MAD1L1: variants seen among roughly 807,000 people sequenced by gnomAD.
MAD1L1 encodes mitotic spindle assembly checkpoint protein MAD1.
In MAD1L1, 95 loss-of-function variants were observed where a neutral mutation model predicts 96.9. The ratio of observed to expected loss-of-function variants is 0.98; its 90% CI spans 0.83 to 1.16. The LOEUF (loss-of-function observed/expected upper bound fraction) is 1.16. Ranked by LOEUF, MAD1L1 falls within the 50% of genes most tolerant of loss-of-function variation. The probability of loss-of-function intolerance (pLI) is 0.00; values close to 1 mark genes in which losing one functional copy is unlikely to be tolerated. For missense variants in MAD1L1, 1,007 were observed against 954.4 expected, an observed-to-expected ratio of 1.06 and a Z score of -0.73; for synonymous variants, 473 against 396.6, an observed-to-expected ratio of 1.19 and a Z score of -2.29.
intron 6 of MAD1L1, among the ~76,000 whole-genome samples, 188 bp from the exon 7 acceptor site, chr7:2,218,231 T>C (rs991316509): frequency 1.3e-5 from 2 of 151,752 alleles, no homozygotes; most frequent in East Asian, 1.9e-4. Flanking sequence ...TACCCCAAGG[T>C]CCCAGGCCCC....
chr7:2,042,050 C>A (rs1443225936), intron 12 of MAD1L1, among the ~76,000 whole-genome samples: 1 of 152,096 alleles, frequency 6.6e-6, no homozygotes, highest in African/African-American at 2.4e-5. Context: ...GACATGCACA[C>A]AGACACACAG....
chr7:2,150,342 G>A lies in MAD1L1; in HGVS notation c.987-1104C>T, dbSNP rs575906393. On this transcript the variant is annotated intron_variant, in intron 10 of 18. Coordinates refer to ENST00000265854, the MANE Select transcript of MAD1L1 (RefSeq NM_001013836.2). Reference sequence around the variant, plus strand: ...ACGGACCCCTAACAGAAGCCATCCTGCTGCCTAAAACGCGCACGCTGCAAA... The same window carrying A: ...ACGGACCCCTAACAGAAGCCATCCTACTGCCTAAAACGCGCACGCTGCAAA... Among the ~76,000 whole-genome samples, 25 of 152,258 alleles carry A rather than the reference G, an allele frequency of 1.6e-4. No homozygotes were observed. In the East Asian group the frequency reaches 4.3e-3, roughly 26 times the overall value.
intron 15 of MAD1L1, among the ~76,000 whole-genome samples, chr7:1,964,787 G>A (rs1203987116): frequency 6.6e-6 from 1 of 152,218 alleles, no homozygotes; most frequent in African/African-American, 2.4e-5. Flanking sequence ...CATCACACAC[G>A]GGGGAAACTT....
intron 18 of MAD1L1, among the ~76,000 whole-genome samples, chr7:1,887,260 G>A (rs1281649775): frequency 6.6e-6 from 1 of 151,760 alleles, no homozygotes; most frequent in Non-Finnish European, 1.5e-5. Flanking sequence ...TGCATGTGTG[G>A]GCATGTGTGC....
At chr7:2,097,234 C>T (rs968932084) in intron 11 of MAD1L1, among the ~76,000 whole-genome samples, 4 of 151,846 alleles carry the variant, frequency 2.6e-5, no homozygotes, top group African/African-American at 9.7e-5. Context: ...CCCCACCCCA[C>T]GGCACCCAAG....
chr7:1,969,470 G>T (rs1343582317), intron 15 of MAD1L1, among the ~76,000 whole-genome samples: 1 of 152,142 alleles, frequency 6.6e-6, no homozygotes, highest in Non-Finnish European at 1.5e-5. Flanking sequence ...CCCTAAATCA[G>T]GAACAAGACA....
intron 10 of MAD1L1, among the ~76,000 whole-genome samples, chr7:2,191,278 C>T (rs1211642200): frequency 2.0e-5 from 3 of 152,184 alleles, no homozygotes; most frequent in African/African-American, 4.8e-5. Context: ...CCACCTGCCA[C>T]TAGGAAGTCG....
chr7:1,975,409 G>A (rs1264422809), intron 15 of MAD1L1, among the ~76,000 whole-genome samples: 1 of 152,148 alleles, frequency 6.6e-6, no homozygotes, highest in Non-Finnish European at 1.5e-5. Context: ...CAGCAGGAGC[G>A]GCTGCAGAAC....
intron 9 of MAD1L1, among the ~76,000 whole-genome samples, chr7:2,214,037 C>T (rs541211460): frequency 1.9e-4 from 29 of 152,380 alleles, no homozygotes; most frequent in African/African-American, 7.0e-4. Flanking sequence ...ACGCACTTGA[C>T]TAGTAACTAT....
At chr7:2,010,603 C>A (rs568837761) in intron 13 of MAD1L1, among the ~76,000 whole-genome samples, 1 of 152,204 alleles carries the variant, frequency 6.6e-6, no homozygotes, top group Non-Finnish European at 1.5e-5. Flanking sequence ...CTTCACCAGA[C>A]GGGTCTGGGG....
At chr7:1,855,720 C>G (rs909040890) in intron 18 of MAD1L1, among the ~76,000 whole-genome samples, 1 of 152,192 alleles carries the variant, frequency 6.6e-6, no homozygotes, top group Non-Finnish European at 1.5e-5. Flanking sequence ...TGAGCCCTCA[C>G]CAGCATCACC....
chr7:1,965,899 G>A (rs755539395), intron 15 of MAD1L1, among the ~76,000 whole-genome samples: 2 of 152,276 alleles, frequency 1.3e-5, no homozygotes, highest in Non-Finnish European at 2.9e-5. Context: ...ACCCAGAAAC[G>A]TGAAAGGACC....
At chr7:2,183,590 A>T (rs1387742527) in intron 10 of MAD1L1, among the ~76,000 whole-genome samples, 4 of 152,214 alleles carry the variant, frequency 2.6e-5, no homozygotes, top group African/African-American at 9.7e-5. Context: ...TGATGAGTTC[A>T]TGTCCTTTGT....
intron 18 of MAD1L1, among the ~76,000 whole-genome samples, chr7:1,872,149 C>G (rs557668317): frequency 6.6e-6 from 1 of 152,210 alleles, no homozygotes; most frequent in Non-Finnish European, 1.5e-5. Flanking sequence ...CCCTGTCCCG[C>G]GACAGAGAGG....
At chr7:1,960,517 A>G (rs1779910062) in intron 15 of MAD1L1, among the ~76,000 whole-genome samples, 1 of 152,270 alleles carries the variant, frequency 6.6e-6, no homozygotes, top group South Asian at 2.1e-4. Flanking sequence ...CGCTACTAAT[A>G]CCAGAAATAG....
chr7:1,829,156 G>A (rs80014465), intron 18 of MAD1L1, among the ~76,000 whole-genome samples: 1,527 of 152,370 alleles, frequency 0.01, 24 homozygotes, highest in East Asian at 0.082. Flanking sequence ...GAGTCCTGGA[G>A]GCAGGCTGGT....
chr7:2,115,532 T>C (rs1007036432), intron 11 of MAD1L1, among the ~76,000 whole-genome samples: 1 of 149,066 alleles, frequency 6.7e-6, no homozygotes, highest in Non-Finnish European at 1.5e-5. Flanking sequence ...CCCCGCATGT[T>C]CCGGGGTCAG....
At chr7:2,182,892 T>C (rs1791268405) in intron 10 of MAD1L1, among the ~76,000 whole-genome samples, 1 of 152,088 alleles carries the variant, frequency 6.6e-6, no homozygotes, top group African/African-American at 2.4e-5. Context: ...TGTACAACCT[T>C]ACAAATATAC....
rs1214420871 is a variant in MAD1L1 at position 1,815,898 on chromosome 7, G to C, written c.*172C>G. 1.4e-6 allele frequency: 1 copy of C among 737,666 alleles called. No individual in the cohort carries two copies. The highest frequency in any genetic ancestry group is 2.1e-6 in the Non-Finnish European group (1 of 465,268). The allele number at this position is 737,666 out of a possible 1,614,324, so 45.7% of individuals were successfully genotyped here. On this transcript the variant is annotated 3_prime_UTR_variant, in exon 19 of 19. Coordinates refer to ENST00000265854, the MANE Select transcript of MAD1L1 (RefSeq NM_001013836.2). ...CATGGGGTCTGCACGTGGAGAGGGTGCTGGCCGCCCCAGCAGGAAGCCCGA... is the reference window on the plus strand; with the variant it reads ...CATGGGGTCTGCACGTGGAGAGGGTCCTGGCCGCCCCAGCAGGAAGCCCGA...
Sources: gnomAD v4.1 joint callset for allele counts (sites outside exome capture counted in the v4.1 genomes callset) on GRCh38, gnomAD v4.1.1 for gene constraint, MANE v1.5 for transcripts, NCBI Gene and HGNC (gene_info 2026-07-23, HGNC 2026-07-21) for gene names.